Variants in KIRREL3 observed in about 807,000 individuals in gnomAD.
KIRREL3 encodes the protein kin of IRRE-like protein 3.
KIRREL3 carries 36 observed loss-of-function variants against 89.7 expected under a neutral mutation model. That is an observed-to-expected ratio of 0.40 (90% CI 0.31 to 0.53). The LOEUF (loss-of-function observed/expected upper bound fraction) is 0.53. Among genes scored for constraint, KIRREL3 ranks in the 20% least tolerant of loss-of-function variants. The probability of loss-of-function intolerance (pLI) is 0.49; values close to 1 mark genes in which losing one functional copy is unlikely to be tolerated. For missense variants in KIRREL3, 864 were observed against 1,056.6 expected, an observed-to-expected ratio of 0.82 and a Z score of 2.53; for synonymous variants, 445 against 441.4, an observed-to-expected ratio of 1.01 and a Z score of -0.10.
rs758120372 is a variant in KIRREL3, at chr11:126,836,290, G to T, written c.55+164165C>A. ...GAGACCTATTCATTCTGATGGTTCA[G>T]TTGGCATAACTCACACAAAGATGCC... On this transcript the variant is annotated intron_variant, in intron 1 of 16. Coordinates refer to ENST00000525144, the MANE Select transcript of KIRREL3 (RefSeq NM_032531.4). Among the ~76,000 whole-genome samples, 141 of 152,162 alleles carry T rather than the reference G, an allele frequency of 9.3e-4. 1 individual carries two copies. The highest frequency in any genetic ancestry group is 3.1e-4 in the Non-Finnish European group (21 of 68,030).
intron 1 of KIRREL3, among the ~76,000 whole-genome samples, chr11:126,589,552 T>C (rs1323199879): frequency 1.3e-5 from 2 of 152,190 alleles, no homozygotes; most frequent in East Asian, 1.9e-4. Flanking sequence ...ACTCTTGTGT[T>C]CAAAGGAGGA....
chr11:126,503,475 G>A (rs961921217), intron 4 of KIRREL3, among the ~76,000 whole-genome samples: 1 of 152,178 alleles, frequency 6.6e-6, no homozygotes, highest in Non-Finnish European at 1.5e-5. Context: ...CAAGTCTCCA[G>A]TGTGGTATAA....
chr11:126,457,453 GTA>G (rs1956407406), intron 6 of KIRREL3, among the ~76,000 whole-genome samples: 1 of 151,764 alleles, frequency 6.6e-6, no homozygotes, highest in Non-Finnish European at 1.5e-5. Flanking sequence ...GTATGTGTGT[GTA>G]TACATGTGTA....
intron 1 of KIRREL3, among the ~76,000 whole-genome samples, chr11:126,921,427 CTA>C (rs1947278419): frequency 6.6e-6 from 1 of 151,972 alleles, no homozygotes; most frequent in African/African-American, 2.4e-5. Context: ...ATCTATCTAT[CTA>C]TCTATCTATC....
At position 126,456,433 on chromosome 11, in the gene KIRREL3, G is replaced by A. The variant is rs546636419; in HGVS notation, c.764C>T (p.Ser255Leu). The A allele has an allele frequency of 2.5e-6, 4 of 1,585,122 alleles. No homozygotes were observed. Among genetic ancestry groups the A allele is most frequent in the Non-Finnish European group, 3.4e-6 (4 of 1,165,946 alleles). Reference protein sequence around the residue: ...DIQHPPLVNLSVEPQPVLEDN... With the variant: ...DIQHPPLVNLLVEPQPVLEDN... ...CTCCAGCACTGGCTGTGGCTCCACCGAGAGGTTGACCAGTGGAGGGTCTGC... is the reference window on the plus strand; with the variant it reads ...CTCCAGCACTGGCTGTGGCTCCACCAAGAGGTTGACCAGTGGAGGGTCTGC... The change falls in exon 7 of 17, where the codon TCG becomes TTG. Residue 255 changes from serine to leucine, a missense_variant. Transcript: ENST00000525144.
chr11:126,448,882 A>C, intron 8 of KIRREL3, 127 bp downstream of exon 8: 1 of 991,824 alleles, frequency 1.0e-6, no homozygotes, highest in Non-Finnish European at 1.4e-6. Flanking sequence ...TCGAGTGCAA[A>C]CCATCCTACG....
At chr11:126,857,799 A>T (rs1478746704) in intron 1 of KIRREL3, among the ~76,000 whole-genome samples, 2 of 75,462 alleles carry the variant, frequency 2.7e-5, no homozygotes, top group South Asian at 5.0e-4. Context: ...GGGGTGGGTG[A>T]GGCTGGGCCC....
intron 1 of KIRREL3, among the ~76,000 whole-genome samples, chr11:126,859,900 C>T (rs1756533977): frequency 6.6e-6 from 1 of 152,186 alleles, no homozygotes; most frequent in African/African-American, 2.4e-5. Flanking sequence ...CTCCTTCCTA[C>T]CTCACCCTCC....
chr11:126,514,958 C>T (rs1958360764), intron 4 of KIRREL3, among the ~76,000 whole-genome samples: 1 of 152,232 alleles, frequency 6.6e-6, no homozygotes, highest in Non-Finnish European at 1.5e-5. Flanking sequence ...CCTAAATTTT[C>T]CCTAAGCCTT....
chr11:126,889,063 A>T (rs995746432), intron 1 of KIRREL3, among the ~76,000 whole-genome samples: 33 of 152,206 alleles, frequency 2.2e-4, no homozygotes, highest in African/African-American at 8.0e-4. Context: ...GTATGATTGC[A>T]CACAATAAAT....
At chr11:126,921,959 ATCTATATC>A (rs1423115159) in intron 1 of KIRREL3, among the ~76,000 whole-genome samples, 1 of 139,970 alleles carries the variant, frequency 7.1e-6, no homozygotes, top group African/African-American at 2.7e-5. Flanking sequence ...TCATCTGTAT[ATCTATATC>A]TATCTATCTA....
chr11:126,467,646 A>T (rs1255135254), intron 5 of KIRREL3, among the ~76,000 whole-genome samples: 5 of 151,064 alleles, frequency 3.3e-5, no homozygotes, highest in African/African-American at 1.2e-4. Context: ...TTTTTTTTTA[A>T]AAAATCATGG....
At chr11:126,979,219 G>T (rs1040809555) in intron 1 of KIRREL3, among the ~76,000 whole-genome samples, 3 of 152,074 alleles carry the variant, frequency 2.0e-5, no homozygotes, top group Admixed American at 6.6e-5. Context: ...AGAGAGAAAG[G>T]GAGAGAGAAA....
Position 126,622,978 on chromosome 11 carries a change from A to T in KIRREL3, c.56-60066T>A, listed in dbSNP as rs2134847013. On this transcript the variant is annotated intron_variant, in intron 1 of 16. Coordinates refer to ENST00000525144, the MANE Select transcript of KIRREL3 (RefSeq NM_032531.4). The surrounding 1 kb of genome is among the most constrained non-coding windows in gnomAD (Gnocchi z 5.2). ...TTTGCCCAAGGTCACACAGCTAGAG[A>T]GTGGTAGACCGAGAATTCAAACCCA... Among the ~76,000 whole-genome samples, 1 of 152,358 alleles carries T rather than the reference A, an allele frequency of 6.6e-6. No individual in the cohort carries two copies. The highest frequency in any genetic ancestry group is 1.5e-5 in the Non-Finnish European group (1 of 68,034).
intron 7 of KIRREL3, among the ~76,000 whole-genome samples, chr11:126,451,468 ATGTGCATGTGTGTGTGCGCATGTG>A (rs1429484338): frequency 3.7e-5 from 4 of 107,288 alleles, no homozygotes; most frequent in Admixed American, 9.5e-5. Context: ...ATGTGTGGGC[ATGTGCATGTGTGTGTGCGCATGTG>A]TGTGCATGTG....
intron 1 of KIRREL3, among the ~76,000 whole-genome samples, chr11:126,803,509 A>C (rs1951106431): frequency 6.6e-6 from 1 of 152,196 alleles, no homozygotes; most frequent in South Asian, 2.1e-4. Context: ...CATAAAAATA[A>C]ATATTTATTA....
rs1195057426 is a variant in KIRREL3, at chr11:126,906,189, T to C, written c.55+94266A>G. On this transcript the variant is annotated intron_variant, in intron 1 of 16. Coordinates refer to ENST00000525144, the MANE Select transcript of KIRREL3 (RefSeq NM_032531.4). The surrounding 1 kb of genome is among the most constrained non-coding windows in gnomAD (Gnocchi z 4.1). Reference sequence around the variant, plus strand: ...TTTCTCTCTGTACACTCCAGCTCCCTGGAAGACTTTCTGACAGCTCCCTTT... The same window carrying C: ...TTTCTCTCTGTACACTCCAGCTCCCCGGAAGACTTTCTGACAGCTCCCTTT... 6.6e-6 allele frequency among the ~76,000 whole-genome samples: 1 copy of C among 152,182 alleles called. No homozygotes were observed. Among genetic ancestry groups the C allele is most frequent in the African/African-American group, 2.4e-5 (1 of 41,454 alleles).
At chr11:126,646,944 G>A (rs1275751502) in intron 1 of KIRREL3, among the ~76,000 whole-genome samples, 1 of 152,062 alleles carries the variant, frequency 6.6e-6, no homozygotes, top group African/African-American at 2.4e-5. Flanking sequence ...CACCACCGAT[G>A]AGCCAATTAT....
chr11:126,604,568 C>G (rs938742526), intron 1 of KIRREL3, among the ~76,000 whole-genome samples: 1 of 152,218 alleles, frequency 6.6e-6, no homozygotes, highest in African/African-American at 2.4e-5. Context: ...CTTGGCCACT[C>G]TAAATCCTCT....
Sources: gnomAD v4.1 joint callset for allele counts (sites outside exome capture counted in the v4.1 genomes callset) on GRCh38, gnomAD v4.1.1 for gene constraint, Gnocchi (gnomAD v3.1) non-coding constraint, MANE v1.5 for transcripts, NCBI Gene and HGNC (gene_info 2026-07-23, HGNC 2026-07-21) for gene names.